Variants in TGM4 observed in about 807,000 individuals in gnomAD.
TGM4 encodes transglutaminase 4.
Under a neutral mutation model 76.3 loss-of-function variants are expected in TGM4, and 61 were observed. The observed-to-expected ratio is 0.80, with a 90% CI of 0.65 to 0.99. The LOEUF (loss-of-function observed/expected upper bound fraction) is 0.99. Ranked by LOEUF, TGM4 falls within the 50% of genes least tolerant of loss-of-function variation. The pLI is 0.00. For synonymous variants in TGM4, 337 were observed against 329.8 expected (o/e 1.02, Z -0.24); for missense variants, 794 against 843.2 (o/e 0.94, Z 0.72).
intron 9 of TGM4, among the ~76,000 whole-genome samples, chr3:44,904,867 A>G (rs1699901927): frequency 6.6e-6 from 1 of 151,600 alleles, no homozygotes; most frequent in Non-Finnish European, 1.5e-5. Flanking sequence ...TTTTTAGTAG[A>G]GACAGGACTT....
At chr3:44,885,663 T>C (rs556737663) in intron 2 of TGM4, among the ~76,000 whole-genome samples, 165 bp downstream of exon 2, 3 of 151,978 alleles carry the variant, frequency 2.0e-5, no homozygotes, top group Non-Finnish European at 4.4e-5. Context: ...GTGAAGAGAA[T>C]AGAATGGGAA....
At chr3:44,891,442 T>A (rs1010486938) in intron 4 of TGM4, among the ~76,000 whole-genome samples, 3 of 151,588 alleles carry the variant, frequency 2.0e-5, no homozygotes, top group African/African-American at 7.3e-5. Context: ...CTATACCCTT[T>A]ATCATCCAGG....
Position 44,910,092 on chromosome 3 carries a change from TC to T in TGM4, c.1332del (p.Ser445LeufsTer24). 1 of 1,612,182 alleles carries T rather than the reference TC, an allele frequency of 6.2e-7. No homozygotes were observed. The highest frequency in any genetic ancestry group is 8.5e-7 in the Non-Finnish European group (1 of 1,178,796). On this transcript the variant is annotated frameshift_variant, in exon 11 of 14. Transcript: ENST00000296125. LOFTEE classifies it high-confidence loss of function. Reference protein sequence around the residue: ...ITYEYKYPEGSSEERQVMDHA... With the variant: ...ITYEYKYPEGXSEERQVMDHA... ...AGCTGCCTTTGTGTCTCTTTCAGGC[TC>T]CTCTGAGGAGAGGCAGGTCATGGAT...
In TGM4 at chr3:44,901,434, C is replaced by T. The variant is rs2125756800; in HGVS notation, c.658-90C>T. On this transcript the variant is annotated intron_variant, in intron 6 of 13. Transcript: ENST00000296125. Reference sequence around the variant, plus strand: ...AGTACTCTGAGACATTATGAGGTGTCCACTTTGGGGGCTGGGTGGCCAAGC... The same window carrying T: ...AGTACTCTGAGACATTATGAGGTGTTCACTTTGGGGGCTGGGTGGCCAAGC... The T allele has an allele frequency of 5.6e-6, 8 of 1,433,240 alleles. No individual in the cohort carries two copies. The South Asian group carries it at 9.7e-5, about 17-fold the overall frequency. 88.8% of individuals were successfully genotyped at this position (1,433,240 alleles called of 1,614,324 possible). A position where few individuals can be genotyped will look rare whatever the true frequency, so the allele number is the denominator to read the frequency against.
intron 8 of TGM4, among the ~76,000 whole-genome samples, chr3:44,903,261 G>A (rs1699878231): frequency 6.6e-6 from 1 of 152,100 alleles, no homozygotes; most frequent in African/African-American, 2.4e-5. Flanking sequence ...AGGGGTCCTG[G>A]AACCAATACC....
In TGM4 at chr3:44,885,494, C is replaced by T. The variant is rs760663947; in HGVS notation, c.189C>T (p.Ser63=). The part of the protein sequence containing the change: ...QSYHQLKLEF[S]TGPNPSIAKH... ...ACCACCAACTGAAACTGGAATTCAG[C>T]ACAGGTGAAGCCTCGGGGCCCTACT... Residue 63 remains serine (S), a synonymous_variant, in exon 2 of 14, where the codon AGC becomes AGT. Coordinates refer to ENST00000296125, the MANE Select transcript of TGM4 (RefSeq NM_003241.4). The T allele has an allele frequency of 2.5e-6, 4 of 1,609,978 alleles. No individual in the cohort carries two copies. The highest frequency in any genetic ancestry group is 3.4e-6 in the Non-Finnish European group (4 of 1,178,032).
chr3:44,887,950 T>C (rs1001402179), intron 3 of TGM4, 155 bp downstream of exon 3: 11 of 671,212 alleles, frequency 1.6e-5, no homozygotes, highest in Non-Finnish European at 2.9e-5. Context: ...GCTCCAAATG[T>C]CTGTTTCCCC....
chr3:44,903,788 C>T lies in TGM4; in HGVS notation c.972-96C>T. 3 of 1,123,968 alleles carry T rather than the reference C, an allele frequency of 2.7e-6. No individual in the cohort carries two copies. In the South Asian group the frequency reaches 3.8e-5, roughly 14 times the overall value. The allele number at this position is 1,123,968 out of a possible 1,614,324, so 69.6% of individuals were successfully genotyped here. A position where few individuals can be genotyped will look rare whatever the true frequency, so the allele number is the denominator to read the frequency against. On this transcript the variant is annotated intron_variant, in intron 8 of 13. Transcript: ENST00000296125. ...CCCCTGAGAACAACCTCAGTGGGTCCCCGGTGATGAAGATGTCTCTGGCAA... is the reference window on the plus strand; with the variant it reads ...CCCCTGAGAACAACCTCAGTGGGTCTCCGGTGATGAAGATGTCTCTGGCAA...
In TGM4 at chr3:44,901,872, G is replaced by A. The variant is rs765066955; in HGVS notation, c.912G>A (p.Val304=). The change falls in exon 8 of 14, where the codon GTG becomes GTA. Residue 304 remains valine (V), a synonymous_variant. Coordinates refer to ENST00000296125, the MANE Select transcript of TGM4 (RefSeq NM_003241.4). ...SAHDTERNLT[V]DTYVNENGEK... ...ACGACACAGAAAGGAACCTCACGGT[G>A]GACACCTATGTGAATGAGAATGGCG... 1.9e-6 allele frequency: 3 copies of A among 1,614,198 alleles called. No individual in the cohort carries two copies. Among genetic ancestry groups the A allele is most frequent in the South Asian group, 1.1e-5 (1 of 91,084 alleles).
chr3:44,884,967 G>A (rs1699582109), intron 1 of TGM4, among the ~76,000 whole-genome samples: 1 of 152,136 alleles, frequency 6.6e-6, no homozygotes, highest in Admixed American at 6.5e-5. Flanking sequence ...GGGGAGTTGG[G>A]GTGGGAAACT....
chr3:44,888,676 A>G (rs1213627786), intron 3 of TGM4: 2 of 152,160 alleles, frequency 1.3e-5, no homozygotes, highest in Non-Finnish European at 2.9e-5. Context: ...TTTAATTGAC[A>G]TATAACACAC....
intron 4 of TGM4, among the ~76,000 whole-genome samples, chr3:44,892,751 T>G (rs1699722013): frequency 6.6e-6 from 1 of 152,220 alleles, no homozygotes; most frequent in Non-Finnish European, 1.5e-5. Flanking sequence ...ATTTTGCATG[T>G]AGTTATGTTT....
intron 13 of TGM4, 29 bp from the exon 14 acceptor site, chr3:44,913,555 G>C: frequency 6.2e-7 from 1 of 1,600,726 alleles, no homozygotes; most frequent in South Asian, 1.1e-5. Context: ...TTGGCTGATT[G>C]TATGTCCGTA....
At chr3:44,880,566 G>T (rs1484886910) in intron 1 of TGM4, among the ~76,000 whole-genome samples, 1 of 152,152 alleles carries the variant, frequency 6.6e-6, no homozygotes, top group African/African-American at 2.4e-5. Flanking sequence ...GTGATTTCTT[G>T]TGGCAAAAAG....
At chr3:44,886,459 G>A (rs140966089) in intron 2 of TGM4, among the ~76,000 whole-genome samples, 3 of 152,280 alleles carry the variant, frequency 2.0e-5, no homozygotes, top group Admixed American at 6.5e-5. Context: ...CTCCTCCAAC[G>A]TGCTGGTGGA....
At chr3:44,907,815 A>G (rs1699945339) in intron 10 of TGM4, among the ~76,000 whole-genome samples, 1 of 152,188 alleles carries the variant, frequency 6.6e-6, no homozygotes, top group African/African-American at 2.4e-5. Flanking sequence ...TCAATCTGAC[A>G]GATTTGTATT....
At position 44,907,093 on chromosome 3, in the gene TGM4, T is replaced by C. The variant is rs148463436; in HGVS notation, c.1220T>C (p.Leu407Ser). ...LVKMVNGQEELHVISMETTSI... is the reference protein window; with the variant it reads ...LVKMVNGQEESHVISMETTSI... ...AAGATGGTGAATGGGCAGGAGGAGT[T>C]ACACGTAATTTCAATGGAGACCACA... Residue 407 changes from leucine to serine, a missense_variant, in exon 10 of 14, where the codon TTA becomes TCA. By Grantham distance (145) the Leu-to-Ser change is moderately radical. Transcript: ENST00000296125. The C allele has an allele frequency of 9.3e-6, 15 of 1,613,876 alleles. No individual in the cohort carries two copies. The highest frequency in any genetic ancestry group is 5.0e-5 in the Admixed American group (3 of 59,974).
chr3:44,875,966 A>G (rs74511544), intron 1 of TGM4, among the ~76,000 whole-genome samples: 2,975 of 152,292 alleles, frequency 0.02, 51 homozygotes, highest in Middle Eastern at 0.065. Flanking sequence ...GAGAAGATTC[A>G]TGTCTAAATA....
intron 1 of TGM4, among the ~76,000 whole-genome samples, chr3:44,880,097 T>A (rs908603408): frequency 6.6e-6 from 1 of 152,216 alleles, no homozygotes; most frequent in African/African-American, 2.4e-5. Flanking sequence ...CTGTGCCTGG[T>A]CCATAGTCTA....
Sources: gnomAD v4.1 joint callset for allele counts (sites outside exome capture counted in the v4.1 genomes callset) on GRCh38, gnomAD v4.1.1 for gene constraint, MANE v1.5 for transcripts, NCBI Gene and HGNC (gene_info 2026-07-23, HGNC 2026-07-21) for gene names.